Variants in AP4B1 observed in about 807,000 individuals in gnomAD.
The protein encoded by AP4B1 is adaptor related protein complex 4 subunit beta 1.
A neutral mutation model predicts 76.5 loss-of-function variants in AP4B1; 49 were observed. The ratio of observed to expected loss-of-function variants is 0.64; its 90% CI spans 0.51 to 0.81. The LOEUF (loss-of-function observed/expected upper bound fraction) is 0.81, where lower values mean the gene tolerates loss of function less well. Among genes scored for constraint, AP4B1 ranks in the 40% least tolerant of loss-of-function variants. The pLI, the probability that AP4B1 is intolerant of heterozygous loss-of-function variation, is 0.00. For synonymous variants in AP4B1, 330 were observed against 333.3 expected (o/e 0.99, Z 0.11); for missense variants, 911 against 904.9 (o/e 1.01, Z -0.09).
Position 113,895,975 on chromosome 1 carries a change from C to A in AP4B1, c.1574G>T (p.Gly525Val). ...CAGAATCCGCTTAACTTCATCAATG[C>A]CAACTAAGAGGAGGCGATAATAGAA... ...GLFYYRLLLVGIDEVKRILCS... is the reference protein window; with the variant it reads ...GLFYYRLLLVVIDEVKRILCS... Residue 525 changes from glycine (G) to valine (V), a missense_variant, in exon 9 of 10, where the codon GGC (glycine) becomes GTC (valine). Transcript: ENST00000369569. 2 of 1,614,168 alleles carry A rather than the reference C, an allele frequency of 1.2e-6. No homozygotes were observed. Among genetic ancestry groups the A allele is most frequent in the South Asian group, 1.1e-5 (1 of 91,080 alleles).
chr1:113,901,381 C>T lies in AP4B1; in HGVS notation c.472G>A (p.Gly158Ser), dbSNP rs2101035348. The change falls in exon 4 of 10, where the codon GGT becomes AGT. Residue 158 changes from glycine to serine, a missense_variant and splice_region_variant. Coordinates refer to ENST00000369569, the MANE Select transcript of AP4B1 (RefSeq NM_001253852.3). ...CTGTATAATTCATTTACCAGGGCACCATCTATAAAAAAGAACAAAGTTCTT... is the reference window on the plus strand; with the variant it reads ...CTGTATAATTCATTTACCAGGGCACTATCTATAAAAAAGAACAAAGTTCTT... ...HNLHGDSEVDGALVNELYSLL... is the reference protein window; with the variant it reads ...HNLHGDSEVDSALVNELYSLL... 3.7e-6 allele frequency: 6 copies of T among 1,613,900 alleles called. No homozygotes were observed. The East Asian group carries it at 6.7e-5, about 18-fold the overall frequency.
Position 113,900,356 on chromosome 1 carries a change from AAGTTCAATACTTCAGCC to A in AP4B1, c.645_661del (p.Gln215HisfsTer10). The A allele has an allele frequency of 6.2e-7, 1 of 1,611,562 alleles. No individual in the cohort carries two copies. Among genetic ancestry groups the A allele is most frequent in the Non-Finnish European group, 8.5e-7 (1 of 1,179,370 alleles). ...ACTGCGGGGTTGGTAGCGTAGCAGAAAGTTCAATACTTCAGCCTGGCCCCATTGGTCCAGTTTTGACA... is the reference window on the plus strand; with the variant it reads ...ACTGCGGGGTTGGTAGCGTAGCAGAATGGCCCCATTGGTCCAGTTTTGACA... On this transcript the variant is annotated frameshift_variant, in exon 5 of 10. Transcript: ENST00000369569. LOFTEE classifies it high-confidence loss of function.
Position 113,895,831 on chromosome 1 carries a change from GC to G in AP4B1, c.1717del (p.Ala573GlnfsTer28), listed in dbSNP as rs1667399089. On this transcript the variant is annotated frameshift_variant, in exon 9 of 10. Transcript: ENST00000369569. LOFTEE classifies it high-confidence loss of function. ...TGCCCCCTGGCATTTAGAGATAGTT[GC>G]CCAGTGGGCTTTGCCATACACTGGC... ...LVPVYGKAHW[A>X]TISKCQGAER... 2.5e-6 allele frequency: 4 copies of G among 1,614,188 alleles called. No individual in the cohort carries two copies. Among genetic ancestry groups the G allele is most frequent in the Non-Finnish European group, 3.4e-6 (4 of 1,180,038 alleles).
At chr1:113,896,097 G>T (rs1029307124) in intron 8 of AP4B1, 59 bp from the exon 9 acceptor site, 1 of 1,611,102 alleles carries the variant, frequency 6.2e-7, no homozygotes, top group Admixed American at 1.7e-5. Context: ...TCCTACTCTT[G>T]TGCCAACCAT....
At chr1:113,897,550 C>T (rs144302671) in intron 7 of AP4B1, 17 of 424,088 alleles carry the variant, frequency 4.0e-5, no homozygotes, top group East Asian at 2.1e-4. Flanking sequence ...GCCGAGATCA[C>T]GCCACTGCAC....
intron 6 of AP4B1, 116 bp downstream of exon 6, chr1:113,898,602 G>T: frequency 1.2e-6 from 1 of 832,930 alleles, no homozygotes; most frequent in Non-Finnish European, 2.1e-6. Context: ...AGATGATGAT[G>T]CAAGGAAAAG....
Position 113,900,300 on chromosome 1 carries a change from A to G in AP4B1, c.718T>C (p.Leu240=). 6.2e-7 allele frequency: 1 copy of G among 1,605,264 alleles called. No individual in the cohort carries two copies. Among genetic ancestry groups the G allele is most frequent in the Non-Finnish European group, 8.5e-7 (1 of 1,175,536 alleles). The change falls in exon 5 of 10, where the codon TTG becomes CTG. Residue 240 remains leucine (L), a synonymous_variant. Transcript: ENST00000369569. ...EEELFDILNL[L]DSFLKSSSPG... ...CTACTGCTCTTGAGGAAACTATCCA[A>G]CAGATTGAGAATGTCAAATAGTTCT... is the stretch of plus-strand genomic sequence containing the variant.
chr1:113,902,495 G>C lies in AP4B1; in HGVS notation c.338+143C>G, dbSNP rs1668403744. On this transcript the variant is annotated intron_variant, in intron 2 of 9. Coordinates refer to ENST00000369569, the MANE Select transcript of AP4B1 (RefSeq NM_001253852.3). ...TGATACAGGTTATTAAGCCAAAGCAGTGGCTGAAAATCTGAGTTCAGGGTA... is the reference window on the plus strand; with the variant it reads ...TGATACAGGTTATTAAGCCAAAGCACTGGCTGAAAATCTGAGTTCAGGGTA... 6 of 825,088 alleles carry C rather than the reference G, an allele frequency of 7.3e-6. No individual in the cohort carries two copies. In the South Asian group the frequency reaches 7.5e-5, roughly 10 times the overall value. 51.1% of individuals were successfully genotyped at this position (825,088 alleles called of 1,614,324 possible). A position where few individuals can be genotyped will look rare whatever the true frequency, so the allele number is the denominator to read the frequency against.
chr1:113,904,848 G>A, upstream of AP4B1: 3 of 844,038 alleles, frequency 3.6e-6, no homozygotes, highest in East Asian at 5.2e-5. Context: ...TCTCGCCTCA[G>A]GCTCGGCTTC....
rs778927341 is a variant in AP4B1, at chr1:113,900,184, C to T, written c.834G>A (p.Lys278=). The change falls in exon 5 of 10, where the codon AAG becomes AAA. Residue 278 remains lysine, a synonymous_variant. Coordinates refer to ENST00000369569, the MANE Select transcript of AP4B1 (RefSeq NM_001253852.3). ...HVQTDVLVRV[K]GPLLAACSSE... ...AAGAACAGGCAGCTAGCAAAGGTCC[C>T]TTGACCCGCACAAGGACATCAGTTT... The T allele has an allele frequency of 4.3e-6, 7 of 1,614,070 alleles. No individual in the cohort carries two copies. In the East Asian group the frequency reaches 1.6e-4, roughly 36 times the overall value.
intron 4 of AP4B1, 49 bp downstream of exon 4, chr1:113,901,187 C>T (rs371845831): frequency 1.9e-5 from 30 of 1,608,254 alleles, no homozygotes; most frequent in Admixed American, 3.3e-5. Flanking sequence ...CAACAAGATC[C>T]CACAAGGTAG....
intron 4 of AP4B1, chr1:113,900,732 A>G: frequency 2.9e-6 from 1 of 344,654 alleles, no homozygotes; most frequent in East Asian, 6.6e-5. Flanking sequence ...CTATTCCCAC[A>G]GTATATTTCT....
chr1:113,902,911 T>C (rs1410738835), intron 1 of AP4B1, 49 bp from the exon 2 acceptor site: 2 of 1,548,478 alleles, frequency 1.3e-6, no homozygotes, highest in African/African-American at 1.4e-5. Flanking sequence ...ATCCCCAACT[T>C]ACAATGGAGG....
rs1025969024 is a variant in AP4B1 at position 113,901,126 on chromosome 1, T to C, written c.617+110A>G. On this transcript the variant is annotated intron_variant, in intron 4 of 9. Transcript: ENST00000369569. ...CCGTCTCAAATAATAATAATAATAA[T>C]GGTTAACTTTCTTTTCTACCCCACA... The C allele has an allele frequency of 6.5e-6, 9 of 1,382,894 alleles. No homozygotes were observed. In the African/African-American group the frequency reaches 1.0e-4, roughly 16 times the overall value. 85.7% of individuals were successfully genotyped at this position (1,382,894 alleles called of 1,614,324 possible). A position where few individuals can be genotyped will look rare whatever the true frequency, so the allele number is the denominator to read the frequency against.
rs1667299144 is a variant in AP4B1 at position 113,895,105 on chromosome 1, A to C, written c.2180T>G (p.Leu727Ter). ...TETLNSFISVLETVIGTIEEI... is the reference protein window; with the variant it reads ...TETLNSFISV ...TTCAATTGTTCCAATCACAGTTTCT[A>C]ATACAGAAATAAAACTATTCAGCGT... The change falls in exon 10 of 10, where the codon TTA (leucine) becomes TGA (stop). Residue 727 changes from leucine to a stop codon, truncating the protein, a stop_gained. Coordinates refer to ENST00000369569, the MANE Select transcript of AP4B1 (RefSeq NM_001253852.3). LOFTEE classifies it high-confidence loss of function. The C allele has an allele frequency of 6.2e-7, 1 of 1,614,116 alleles. No individual in the cohort carries two copies. Among genetic ancestry groups the C allele is most frequent in the African/African-American group, 1.3e-5 (1 of 75,064 alleles).
At position 113,897,904 on chromosome 1, in the gene AP4B1, G is replaced by A. The variant is rs779863637; in HGVS notation, c.1238C>T (p.Pro413Leu). Reference protein sequence around the residue: ...QTFRDLVWLCPQCTEAVCQAL... With the variant: ...QTFRDLVWLCLQCTEAVCQAL... Reference sequence around the variant, plus strand: ...CTGACATACAGCTTCAGTACACTGAGGACACAACCAAACCAGGTCTCGGAA... The same window carrying A: ...CTGACATACAGCTTCAGTACACTGAAGACACAACCAAACCAGGTCTCGGAA... Residue 413 changes from proline to leucine, a missense_variant, in exon 7 of 10, where the codon CCT becomes CTT. Physicochemically the swap from Pro to Leu is moderately conservative, Grantham distance 98 (BLOSUM62 -3). Coordinates refer to ENST00000369569, the MANE Select transcript of AP4B1 (RefSeq NM_001253852.3). 6.8e-6 allele frequency: 11 copies of A among 1,614,086 alleles called. No homozygotes were observed. Among genetic ancestry groups the A allele is most frequent in the Non-Finnish European group, 9.3e-6 (11 of 1,180,026 alleles).
At position 113,898,144 on chromosome 1, in the gene AP4B1, A is replaced by T. The variant is rs142952317; in HGVS notation, c.1199-201T>A. Reference sequence around the variant, plus strand: ...AATGCATATTGCTCTTATCAGATTGACATGAGGATAAATGAACTAATGTAT... The same window carrying T: ...AATGCATATTGCTCTTATCAGATTGTCATGAGGATAAATGAACTAATGTAT... On this transcript the variant is annotated intron_variant, in intron 6 of 9. Coordinates refer to ENST00000369569, the MANE Select transcript of AP4B1 (RefSeq NM_001253852.3). The T allele has an allele frequency of 1.8e-3, 971 of 533,588 alleles. 6 individuals are homozygous for T. In the African/African-American group the frequency reaches 0.019, roughly 10 times the overall value. The allele number at this position is 533,588 out of a possible 1,614,324, so 33.1% of individuals were successfully genotyped here. A position where few individuals can be genotyped will look rare whatever the true frequency, so the allele number is the denominator to read the frequency against.
At chr1:113,900,983 T>C (rs1668174578) in intron 4 of AP4B1, 1 of 471,478 alleles carries the variant, frequency 2.1e-6, no homozygotes, top group African/African-American at 2.0e-5. Context: ...GGCGCATGCC[T>C]ATAATCCCAG....
At position 113,894,776 on chromosome 1, in the gene AP4B1, T is replaced by C. The variant is rs572766561; in HGVS notation, c.*289A>G. ...CCACACATCAGCCATCTTTAATTACTAACACAATTCCTAAAATTGATTAGG... is the reference window on the plus strand; with the variant it reads ...CCACACATCAGCCATCTTTAATTACCAACACAATTCCTAAAATTGATTAGG... On this transcript the variant is annotated 3_prime_UTR_variant, in exon 10 of 10. Coordinates refer to ENST00000369569, the MANE Select transcript of AP4B1 (RefSeq NM_001253852.3). 3 of 376,422 alleles carry C rather than the reference T, an allele frequency of 8.0e-6. No individual in the cohort carries two copies. Among genetic ancestry groups the C allele is most frequent in the Non-Finnish European group, 1.5e-5 (3 of 202,552 alleles). The allele number at this position is 376,422 out of a possible 1,614,324, so 23.3% of individuals were successfully genotyped here. A position where few individuals can be genotyped will look rare whatever the true frequency, so the allele number is the denominator to read the frequency against.
Sources: gnomAD v4.1 joint callset for allele counts on GRCh38, gnomAD v4.1.1 for gene constraint, MANE v1.5 for transcripts, NCBI Gene and HGNC (gene_info 2026-07-23, HGNC 2026-07-21) for gene names.